The following KCNMA1 variants were observed in gnomAD, a reference collection of about 807,000 sequenced individuals.
KCNMA1 encodes the protein Calcium-activated potassium channel subunit alpha-1.
A neutral mutation model predicts 140.0 loss-of-function variants in KCNMA1; 29 were observed. That is an observed-to-expected ratio of 0.21 (90% CI 0.15 to 0.28). KCNMA1 has a LOEUF of 0.28. KCNMA1 is among the 10% of genes least tolerant of loss of function. The probability of loss-of-function intolerance (pLI) is 1.00; values close to 1 mark genes in which losing one functional copy is unlikely to be tolerated. For synonymous variants in KCNMA1, 612 were observed against 611.9 expected, an observed-to-expected ratio of 1.00 and a Z score of 0.00; for missense variants, 880 against 1,602.2, an observed-to-expected ratio of 0.55 and a Z score of 7.70.
intron 17 of KCNMA1, among the ~76,000 whole-genome samples, chr10:77,017,967 A>G (rs1461322234): frequency 1.3e-5 from 2 of 152,156 alleles, no homozygotes; most frequent in African/African-American, 4.8e-5. Context: ...ATGTGGTAGT[A>G]TTATTAAATT....
At chr10:77,172,706 A>AC (rs913650856) in intron 5 of KCNMA1, among the ~76,000 whole-genome samples, 12 of 151,756 alleles carry the variant, frequency 7.9e-5, no homozygotes, top group African/African-American at 2.2e-4. Flanking sequence ...AAAAAACAAA[A>AC]AAAAAAAAGC....
chr10:77,630,583 C>T (rs1322133789), intron 1 of KCNMA1, among the ~76,000 whole-genome samples: 1 of 152,182 alleles, frequency 6.6e-6, no homozygotes, highest in Non-Finnish European at 1.5e-5. Context: ...TGCTTCTCAT[C>T]CCTTCCCCCT....
chr10:76,883,163 A>G (rs889802231), downstream of KCNMA1, among the ~76,000 whole-genome samples: 5 of 152,216 alleles, frequency 3.3e-5, no homozygotes, highest in Admixed American at 6.5e-5. Flanking sequence ...CCCCTTTCTC[A>G]GAAGCCATGT....
rs1416592257 is a variant in KCNMA1, at chr10:76,974,813, C to A, written c.2267-4746G>T. Among the ~76,000 whole-genome samples the A allele has an allele frequency of 2.0e-5, 3 of 152,270 alleles. No individual in the cohort carries two copies. In the East Asian group the frequency reaches 5.8e-4, roughly 29 times the overall value. On this transcript the variant is annotated intron_variant, in intron 19 of 27. Transcript: ENST00000286628. ...TACTTCTGGAAATTCAGAAGACAAT[C>A]TTCTTGGTATAATTTCCAAAAATAT...
chr10:77,311,637 C>T (rs543602149), intron 2 of KCNMA1, among the ~76,000 whole-genome samples: 52 of 152,252 alleles, frequency 3.4e-4, no homozygotes, highest in Non-Finnish European at 5.6e-4. Flanking sequence ...AGAGAGCAAG[C>T]GAGCTGGGCC....
chr10:77,331,290 T>G (rs1466223834), intron 2 of KCNMA1, among the ~76,000 whole-genome samples: 1 of 152,176 alleles, frequency 6.6e-6, no homozygotes, highest in East Asian at 1.9e-4. Flanking sequence ...ATAACTTGCT[T>G]ATCCTTATAT....
chr10:77,556,618 A>G (rs2064569355), intron 1 of KCNMA1, among the ~76,000 whole-genome samples: 1 of 152,056 alleles, frequency 6.6e-6, no homozygotes, highest in Non-Finnish European at 1.5e-5. Flanking sequence ...TGCTTTCAAA[A>G]CCGTGATTAT....
At chr10:77,173,204 G>A (rs146835744) in intron 5 of KCNMA1, among the ~76,000 whole-genome samples, 55 of 152,282 alleles carry the variant, frequency 3.6e-4, no homozygotes, top group African/African-American at 1.3e-3. Flanking sequence ...CAGAAGAGGG[G>A]ACTGGTGAAC....
At chr10:77,383,412 ATT>A (rs11326515) in intron 2 of KCNMA1, among the ~76,000 whole-genome samples, 4,295 of 143,400 alleles carry the variant, frequency 0.03, 142 homozygotes, top group African/African-American at 0.085. Flanking sequence ...TAACCTCGAG[ATT>A]TTTTTTTTTT....
chr10:77,462,392 CAT>C (rs533038126), intron 1 of KCNMA1, among the ~76,000 whole-genome samples: 107 of 150,996 alleles, frequency 7.1e-4, no homozygotes, highest in South Asian at 4.0e-3. Context: ...CGTAAAAACA[CAT>C]ATATTTACAA....
chr10:76,996,134 C>A (rs562576701), intron 19 of KCNMA1, among the ~76,000 whole-genome samples: 1 of 152,160 alleles, frequency 6.6e-6, no homozygotes, highest in African/African-American at 2.4e-5. Flanking sequence ...ACTGAAACAA[C>A]CAGCTATTTA....
At chr10:76,961,641 T>C (rs2071487104) in intron 20 of KCNMA1, among the ~76,000 whole-genome samples, 1 of 152,152 alleles carries the variant, frequency 6.6e-6, no homozygotes, top group African/African-American at 2.4e-5. Context: ...GCAGCAATCT[T>C]CATTGTTGTC....
chr10:77,396,289 A>T (rs944035816), intron 2 of KCNMA1, among the ~76,000 whole-genome samples: 1 of 152,226 alleles, frequency 6.6e-6, no homozygotes, highest in African/African-American at 2.4e-5. Context: ...CTAAAATATA[A>T]TAAAAGCTGG....
At chr10:77,075,573 A>G (rs56744565) in intron 13 of KCNMA1, among the ~76,000 whole-genome samples, 1,626 of 152,330 alleles carry the variant, frequency 0.011, 18 homozygotes, top group African/African-American at 0.037. Flanking sequence ...TGGGTCCCCC[A>G]TGGCCCTGTC....
chr10:77,146,563 G>A lies in KCNMA1; in HGVS notation c.809-25515C>T, dbSNP rs138355241. 4.4e-3 allele frequency among the ~76,000 whole-genome samples: 670 copies of A among 151,984 alleles called. 5 individuals are homozygous for A. Among genetic ancestry groups the A allele is most frequent in the African/African-American group, 0.015 (642 of 41,436 alleles). Reference sequence around the variant, plus strand: ...TAAAAAATACAAAAATTAGCCAGGCGTGGTGGCCTGCACCTGTAGTCCCAG... The same window carrying A: ...TAAAAAATACAAAAATTAGCCAGGCATGGTGGCCTGCACCTGTAGTCCCAG... On this transcript the variant is annotated intron_variant, in intron 5 of 27. Coordinates refer to ENST00000286628, the MANE Select transcript of KCNMA1 (RefSeq NM_001161352.2).
chr10:77,490,313 CTT>C (rs2098517103), intron 1 of KCNMA1, among the ~76,000 whole-genome samples: 1 of 152,150 alleles, frequency 6.6e-6, no homozygotes, highest in Non-Finnish European at 1.5e-5. Flanking sequence ...TACATGTAAA[CTT>C]TTTAAAAATG....
At chr10:77,091,806 T>C (rs970316346) in intron 9 of KCNMA1, 15 of 152,252 alleles carry the variant, frequency 9.9e-5, no homozygotes, top group African/African-American at 3.6e-4. Flanking sequence ...GATGATGGCT[T>C]ATGCAATGTT....
chr10:77,338,956 G>A (rs760425006), intron 2 of KCNMA1, among the ~76,000 whole-genome samples: 36 of 152,092 alleles, frequency 2.4e-4, no homozygotes, highest in Admixed American at 1.2e-3. Flanking sequence ...GCCCAGATGC[G>A]TCTCTAGAGA....
At chr10:77,218,765 C>T (rs1361262714) in intron 3 of KCNMA1, among the ~76,000 whole-genome samples, 6 of 152,186 alleles carry the variant, frequency 3.9e-5, no homozygotes, top group African/African-American at 1.4e-4. Flanking sequence ...CGGCTCACTG[C>T]AACCTCCGCT....
Sources: allele counts gnomAD v4.1 joint callset (sites outside exome capture counted in the v4.1 genomes callset), GRCh38; gene constraint gnomAD v4.1.1; transcripts MANE v1.5; gene names NCBI Gene and HGNC (gene_info 2026-07-23, HGNC 2026-07-21).